FREM2: variants seen among roughly 807,000 people sequenced by gnomAD.
FREM2 encodes the protein FRAS1-related extracellular matrix protein 2.
In FREM2, 119 loss-of-function variants were observed where a neutral mutation model predicts 219.9. The ratio of observed to expected loss-of-function variants is 0.54; its 90% CI spans 0.47 to 0.63. FREM2 has a LOEUF of 0.63. Ranked by LOEUF, FREM2 falls within the 30% of genes least tolerant of loss-of-function variation. The pLI is 0.00. For missense variants in FREM2, 4,030 were observed against 3,993.6 expected (o/e 1.01, Z -0.25); for synonymous variants, 1,562 against 1,522.8 (o/e 1.03, Z -0.60).
chr13:38,747,497 T>TACACAC (rs35415652), intron 2 of FREM2, among the ~76,000 whole-genome samples: 6 of 146,554 alleles, frequency 4.1e-5, no homozygotes, highest in African/African-American at 1.5e-4. Flanking sequence ...TATACACAAA[T>TACACAC]ACACACACAC....
chr13:38,752,283 TC>T (rs1016137489), intron 2 of FREM2, among the ~76,000 whole-genome samples: 4 of 152,262 alleles, frequency 2.6e-5, no homozygotes, highest in African/African-American at 7.2e-5. Context: ...AGGAGCAATA[TC>T]TAAGTAACCA....
At chr13:38,840,729 T>C (rs138409025) in intron 6 of FREM2, among the ~76,000 whole-genome samples, 2,335 of 146,832 alleles carry the variant, frequency 0.016, 55 homozygotes, top group African/African-American at 0.056. Flanking sequence ...GATATATATA[T>C]ATACACACAC....
chr13:38,748,055 T>C (rs1373509629), intron 2 of FREM2, among the ~76,000 whole-genome samples: 1 of 152,156 alleles, frequency 6.6e-6, no homozygotes, highest in Non-Finnish European at 1.5e-5. Flanking sequence ...ATTTTAGCTG[T>C]GTTTTTTGGA....
intron 2 of FREM2, among the ~76,000 whole-genome samples, chr13:38,762,451 T>TG (rs1873264305): frequency 6.6e-6 from 1 of 151,856 alleles, no homozygotes; most frequent in African/African-American, 2.4e-5. Flanking sequence ...CAATCTTTTT[T>TG]TTTTTGAGAC....
chr13:38,883,485 A>G lies in FREM2; in HGVS notation c.*2698A>G, dbSNP rs1357825084. 2.6e-5 allele frequency: 4 copies of G among 152,204 alleles called. No homozygotes were observed. Among genetic ancestry groups the G allele is most frequent in the Non-Finnish European group, 5.9e-5 (4 of 68,028 alleles). The allele number at this position is 152,204 out of a possible 1,614,324, so 9.4% of individuals were successfully genotyped here. A position where few individuals can be genotyped will look rare whatever the true frequency, so the allele number is the denominator to read the frequency against. On this transcript the variant is annotated 3_prime_UTR_variant, in exon 24 of 24. Transcript: ENST00000280481. ...AATCAAGGTCTTGTTGATATTATAT[A>G]GTAAAAATAAAACCAAAAATAAATA...
rs146796902 is a variant in FREM2, at chr13:38,836,789, T to C, written c.6020-9784T>C. Among the ~76,000 whole-genome samples the C allele has an allele frequency of 5.1e-3, 774 of 152,264 alleles. 30 individuals carry two copies. In the East Asian group the frequency reaches 0.1, roughly 21 times the overall value. On this transcript the variant is annotated intron_variant, in intron 6 of 23. Coordinates refer to ENST00000280481, the MANE Select transcript of FREM2 (RefSeq NM_207361.6). Reference sequence around the variant, plus strand: ...TGTATTTCTGTGGGATCAGTGGTGATCTCCCCTTTATCATTCTTTATTGTG... The same window carrying C: ...TGTATTTCTGTGGGATCAGTGGTGACCTCCCCTTTATCATTCTTTATTGTG...
chr13:38,802,089 A>T (rs1875034367), intron 6 of FREM2, among the ~76,000 whole-genome samples: 1 of 152,148 alleles, frequency 6.6e-6, no homozygotes, highest in Non-Finnish European at 1.5e-5. Flanking sequence ...TCAAACACTG[A>T]GAGGACAGGA....
At chr13:38,865,075 C>G (rs1877911022) in intron 16 of FREM2, among the ~76,000 whole-genome samples, 1 of 152,154 alleles carries the variant, frequency 6.6e-6, no homozygotes, top group Non-Finnish European at 1.5e-5. Context: ...ACAAAACTTT[C>G]TCTGCTTTTA....
intron 9 of FREM2, 78 bp downstream of exon 9, chr13:38,850,313 C>A: frequency 8.4e-7 from 1 of 1,189,570 alleles, no homozygotes; most frequent in Non-Finnish European, 1.2e-6. Flanking sequence ...CAGGGAAATA[C>A]AAGTTCCTCG....
In FREM2 at chr13:38,850,929, A is replaced by G. The variant is rs752985221; in HGVS notation, c.6578-15A>G. 2 of 1,609,920 alleles carry G rather than the reference A, an allele frequency of 1.2e-6. No individual in the cohort carries two copies. Among genetic ancestry groups the G allele is most frequent in the South Asian group, 2.2e-5 (2 of 90,990 alleles). On this transcript the variant is annotated splice_polypyrimidine_tract_variant and intron_variant, in intron 9 of 23. Transcript: ENST00000280481. The stretch of plus-strand genomic sequence containing the variant: ...CCTATGGGATGTGATTGACCTGCTG[A>G]CATTATTGTTCCAGGTGAGACAGAA...
At position 38,687,237 on chromosome 13, in the gene FREM2, G is replaced by A. The variant is rs954260063; in HGVS notation, c.-108G>A. On this transcript the variant is annotated 5_prime_UTR_variant, in exon 1 of 24. Coordinates refer to ENST00000280481, the MANE Select transcript of FREM2 (RefSeq NM_207361.6). ...CCCCGGCTACAGGAGGACCCCGCGGGCAACGCGCGGAGTTCCTGGCACTTC... is the reference window on the plus strand; with the variant it reads ...CCCCGGCTACAGGAGGACCCCGCGGACAACGCGCGGAGTTCCTGGCACTTC... 4.1e-6 allele frequency: 6 copies of A among 1,463,078 alleles called. No homozygotes were observed. The highest frequency in any genetic ancestry group is 5.6e-6 in the Non-Finnish European group (6 of 1,071,138). The allele number at this position is 1,463,078 out of a possible 1,614,324, so 90.6% of individuals were successfully genotyped here.
chr13:38,740,523 A>G (rs1349704189), intron 2 of FREM2, among the ~76,000 whole-genome samples: 1 of 152,218 alleles, frequency 6.6e-6, no homozygotes, highest in Non-Finnish European at 1.5e-5. Flanking sequence ...TCTCTCTTAT[A>G]TTCTCCATTG....
In FREM2 at chr13:38,722,160, G is replaced by A. The variant is rs116317013; in HGVS notation, c.5263+24373G>A. 2.6e-3 allele frequency among the ~76,000 whole-genome samples: 399 copies of A among 152,018 alleles called. 2 individuals are homozygous for A. The highest frequency in any genetic ancestry group is 8.8e-3 in the African/African-American group (363 of 41,442). On this transcript the variant is annotated intron_variant, in intron 2 of 23. Transcript: ENST00000280481. ...TCCGCCTCCCTAGTAGCTGAGCACC[G>A]TGCCTGGTTAACTTTTTCAATTATT...
chr13:38,822,837 A>T (rs940949356), intron 6 of FREM2, among the ~76,000 whole-genome samples: 65 of 151,872 alleles, frequency 4.3e-4, no homozygotes, highest in African/African-American at 1.5e-3. Flanking sequence ...ACTCTGTTCA[A>T]CACATCCCTT....
intron 23 of FREM2, among the ~76,000 whole-genome samples, chr13:38,879,499 G>A (rs1049165466): frequency 1.3e-5 from 2 of 152,170 alleles, no homozygotes; most frequent in African/African-American, 4.8e-5. Flanking sequence ...AACACAGGCA[G>A]CTGCCACAAC....
intron 6 of FREM2, among the ~76,000 whole-genome samples, chr13:38,796,274 T>G (rs1874776594): frequency 6.6e-6 from 1 of 152,132 alleles, no homozygotes; most frequent in Non-Finnish European, 1.5e-5. Context: ...TGTGGCTACT[T>G]CCAGAGCAAT....
At position 38,689,939 on chromosome 13, in the gene FREM2, T is replaced by A; in HGVS notation, c.2595T>A (p.Ser865=). ...NDVDTDVAHI[S]FTLTQAPKHG... ...TAGACACTGATGTTGCCCATATCTC[T>A]TTCACTCTCACTCAGGCACCCAAAC... The change falls in exon 1 of 24, where the codon TCT becomes TCA. Residue 865 remains serine, a synonymous_variant. Coordinates refer to ENST00000280481, the MANE Select transcript of FREM2 (RefSeq NM_207361.6). 1 of 1,614,144 alleles carries A rather than the reference T, an allele frequency of 6.2e-7. No homozygotes were observed. Among genetic ancestry groups the A allele is most frequent in the Non-Finnish European group, 8.5e-7 (1 of 1,180,010 alleles).
intron 6 of FREM2, among the ~76,000 whole-genome samples, chr13:38,815,286 C>A (rs112046631): frequency 0.011 from 1,744 of 152,182 alleles, 40 homozygotes; most frequent in African/African-American, 0.039. Flanking sequence ...AATTTTCAGG[C>A]ATTTTGTACA....
At chr13:38,752,168 T>G (rs1482242387) in intron 2 of FREM2, among the ~76,000 whole-genome samples, 1 of 152,186 alleles carries the variant, frequency 6.6e-6, no homozygotes, top group Admixed American at 6.5e-5. Flanking sequence ...TCCCTGTCTC[T>G]GTCTGTCTCC....
Sources: allele counts gnomAD v4.1 joint callset (sites outside exome capture counted in the v4.1 genomes callset), GRCh38; gene constraint gnomAD v4.1.1; transcripts MANE v1.5; gene names NCBI Gene and HGNC (gene_info 2026-07-23, HGNC 2026-07-21).